Variants in ASIC2 observed in about 807,000 individuals in gnomAD.
The protein encoded by ASIC2 is acid-sensing ion channel 2.
Under a neutral mutation model 57.3 loss-of-function variants are expected in ASIC2, and 25 were observed. That is an observed-to-expected ratio of 0.44 (90% CI 0.32 to 0.61). The LOEUF (loss-of-function observed/expected upper bound fraction) is 0.61, where lower values mean the gene tolerates loss of function less well. ASIC2 is among the 20% of genes least tolerant of loss of function. The pLI is 0.06. For synonymous variants in ASIC2, 319 were observed against 307.5 expected (o/e 1.04, Z -0.39); for missense variants, 641 against 738.1 (o/e 0.87, Z 1.52).
intron 1 of ASIC2, among the ~76,000 whole-genome samples, chr17:33,810,204 T>C (rs1912380392): frequency 6.6e-6 from 1 of 152,320 alleles, no homozygotes; most frequent in African/African-American, 2.4e-5. Flanking sequence ...CTCTTGGCCA[T>C]GGGTCAAACA....
chr17:33,283,440 G>C (rs1230534231), intron 1 of ASIC2, among the ~76,000 whole-genome samples: 1 of 152,182 alleles, frequency 6.6e-6, no homozygotes, highest in Non-Finnish European at 1.5e-5. Flanking sequence ...TAGTAACCCG[G>C]ACATGCTCAA....
chr17:33,722,519 T>C (rs1909419578), intron 1 of ASIC2, among the ~76,000 whole-genome samples: 1 of 151,856 alleles, frequency 6.6e-6, no homozygotes, highest in Non-Finnish European at 1.5e-5. Flanking sequence ...ATAGTCCCAG[T>C]ATTTTGGGAG....
chr17:33,636,102 T>G (rs1479175864), intron 1 of ASIC2, among the ~76,000 whole-genome samples: 1 of 152,230 alleles, frequency 6.6e-6, no homozygotes, highest in Non-Finnish European at 1.5e-5. Flanking sequence ...TTGTAAAAAT[T>G]AACAATGATG....
intron 3 of ASIC2, among the ~76,000 whole-genome samples, chr17:33,051,751 A>G (rs1479199997): frequency 6.6e-6 from 1 of 152,200 alleles, no homozygotes; most frequent in Non-Finnish European, 1.5e-5. Flanking sequence ...CACTGCCTAT[A>G]TGACATATAG....
chr17:33,581,276 G>C (rs1440438026), intron 1 of ASIC2: 1 of 152,158 alleles, frequency 6.6e-6, no homozygotes, highest in Non-Finnish European at 1.5e-5. Context: ...GCCTCTGGAA[G>C]TTGAAAACGA....
chr17:33,405,607 CTG>C, intron 1 of ASIC2, among the ~76,000 whole-genome samples: 3 of 151,870 alleles, frequency 2.0e-5, no homozygotes, highest in African/African-American at 7.3e-5. Flanking sequence ...CCTCAGCCTC[CTG>C]AGTAGCTGGG....
intron 1 of ASIC2, among the ~76,000 whole-genome samples, chr17:33,539,658 C>G (rs1379547077): frequency 6.6e-6 from 1 of 152,228 alleles, no homozygotes; most frequent in Non-Finnish European, 1.5e-5. Context: ...GCTCGTGCAG[C>G]ACGTTCACAA....
intron 1 of ASIC2, among the ~76,000 whole-genome samples, chr17:33,201,051 A>C (rs1597627045): frequency 6.6e-6 from 1 of 150,420 alleles, no homozygotes; most frequent in African/African-American, 2.4e-5. Context: ...TCTCGGAGAG[A>C]CCTCCTCTGG....
chr17:33,451,483 A>T (rs1912247172), intron 1 of ASIC2, among the ~76,000 whole-genome samples: 1 of 152,008 alleles, frequency 6.6e-6, no homozygotes, highest in South Asian at 2.1e-4. Flanking sequence ...TCCCCATCTC[A>T]GTAGTCAGCG....
intron 8 of ASIC2, among the ~76,000 whole-genome samples, chr17:33,016,878 G>A (rs1236184804): frequency 6.6e-6 from 1 of 152,162 alleles, no homozygotes; most frequent in Non-Finnish European, 1.5e-5. Flanking sequence ...CACAGCCAGG[G>A]GGATGGAGGC....
intron 1 of ASIC2, among the ~76,000 whole-genome samples, chr17:33,181,560 T>G (rs1429307737): frequency 6.6e-6 from 1 of 152,136 alleles, no homozygotes. Context: ...CTGACATTCT[T>G]TGGCTTGTGG....
chr17:33,252,261 T>A (rs1908910594), intron 1 of ASIC2, among the ~76,000 whole-genome samples: 1 of 152,218 alleles, frequency 6.6e-6, no homozygotes. Context: ...GGCGTTCAAT[T>A]TCCCTTACAT....
intron 1 of ASIC2, among the ~76,000 whole-genome samples, chr17:34,121,094 G>A (rs1353485989): frequency 6.6e-6 from 1 of 152,104 alleles, no homozygotes; most frequent in Non-Finnish European, 1.5e-5. Flanking sequence ...ACAGCCATGT[G>A]ACAACAGAGG....
chr17:33,851,828 T>G (rs1913773620), intron 1 of ASIC2, among the ~76,000 whole-genome samples: 1 of 152,218 alleles, frequency 6.6e-6, no homozygotes, highest in Non-Finnish European at 1.5e-5. Context: ...ACAATCAGTC[T>G]TTTAGGAACC....
At chr17:33,261,943 A>C (rs757057108) in intron 1 of ASIC2, among the ~76,000 whole-genome samples, 1 of 152,148 alleles carries the variant, frequency 6.6e-6, no homozygotes, top group Non-Finnish European at 1.5e-5. Context: ...CTGTCACTGA[A>C]GTGTGTGACT....
At chr17:33,429,658 G>T (rs2141977375) in intron 1 of ASIC2, among the ~76,000 whole-genome samples, 1 of 152,228 alleles carries the variant, frequency 6.6e-6, no homozygotes, top group African/African-American at 2.4e-5. Flanking sequence ...CCAAAGTGCT[G>T]GGATTAGAGG....
At chr17:33,835,029 C>T (rs981398595) in intron 1 of ASIC2, among the ~76,000 whole-genome samples, 1 of 152,236 alleles carries the variant, frequency 6.6e-6, no homozygotes, top group African/African-American at 2.4e-5. Flanking sequence ...ATATGCCTAG[C>T]ACTGTGGGTG....
intron 1 of ASIC2, among the ~76,000 whole-genome samples, chr17:33,481,143 G>C (rs1913391638): frequency 6.6e-6 from 1 of 152,082 alleles, no homozygotes; most frequent in Non-Finnish European, 1.5e-5. Context: ...ACCTTTTCTG[G>C]TGCCTGAGTT....
chr17:33,297,639 A>G (rs1905770541), upstream of ASIC2, among the ~76,000 whole-genome samples: 1 of 151,988 alleles, frequency 6.6e-6, no homozygotes. Flanking sequence ...CCTGGGCAAC[A>G]TGGCAAAACC....
Sources: allele counts gnomAD v4.1 joint callset (sites outside exome capture counted in the v4.1 genomes callset), GRCh38; gene constraint gnomAD v4.1.1; transcripts MANE v1.5; gene names NCBI Gene and HGNC (gene_info 2026-07-23, HGNC 2026-07-21).